COX10: variants seen among roughly 807,000 people sequenced by gnomAD.
The protein encoded by COX10 is protoheme IX farnesyltransferase, mitochondrial.
COX10 carries 27 observed loss-of-function variants against 37.3 expected under a neutral mutation model. The observed-to-expected ratio is 0.72, with a 90% CI of 0.53 to 1.00. The LOEUF (loss-of-function observed/expected upper bound fraction) is 1.00. Ranked by LOEUF, COX10 falls within the 50% of genes least tolerant of loss-of-function variation. The pLI, the probability that COX10 is intolerant of heterozygous loss-of-function variation, is 0.00. For missense variants in COX10, 475 were observed against 563.2 expected, an observed-to-expected ratio of 0.84 and a Z score of 1.59; for synonymous variants, 222 against 229.1, an observed-to-expected ratio of 0.97 and a Z score of 0.28.
intron 6 of COX10, among the ~76,000 whole-genome samples, chr17:14,198,183 G>A (rs1002351968): frequency 1.3e-5 from 2 of 152,132 alleles, no homozygotes; most frequent in South Asian, 4.1e-4. Context: ...CTGGAGCCGC[G>A]GTGAAGGAGT....
chr17:14,167,634 C>G (rs1027241499), intron 5 of COX10, among the ~76,000 whole-genome samples: 2 of 152,132 alleles, frequency 1.3e-5, no homozygotes, highest in African/African-American at 4.8e-5. Flanking sequence ...AGGAAACTTA[C>G]AAGCATAGTA....
At chr17:14,151,526 A>AACACAC (rs58412592) in intron 4 of COX10, among the ~76,000 whole-genome samples, 7 of 144,748 alleles carry the variant, frequency 4.8e-5, no homozygotes, top group African/African-American at 1.5e-4. Context: ...TTCCTGAACT[A>AACACAC]ACACACACAC....
intron 4 of COX10, among the ~76,000 whole-genome samples, chr17:14,142,410 A>G (rs1904574617): frequency 6.6e-6 from 1 of 152,230 alleles, no homozygotes; most frequent in African/African-American, 2.4e-5. Context: ...TAATGACCAA[A>G]TGCCATTTAT....
Position 14,166,634 on chromosome 17 carries a change from G to A in COX10, c.695+6687G>A, listed in dbSNP as rs548940870. Among the ~76,000 whole-genome samples the A allele has an allele frequency of 7.3e-5, 3 of 41,114 alleles. No individual in the cohort carries two copies. In the East Asian group the frequency reaches 2.2e-3, roughly 30 times the overall value. 27.0% of individuals were successfully genotyped at this position (41,114 alleles called of 152,430 possible). Reference sequence around the variant, plus strand: ...GACCTTTTTTTTTTTTTTTTTTTTTGAGACAGTCTTCCTCTCACTCAGGCT... The same window carrying A: ...GACCTTTTTTTTTTTTTTTTTTTTTAAGACAGTCTTCCTCTCACTCAGGCT... On this transcript the variant is annotated intron_variant, in intron 5 of 6. Coordinates refer to ENST00000261643, the MANE Select transcript of COX10 (RefSeq NM_001303.4).
intron 4 of COX10, among the ~76,000 whole-genome samples, chr17:14,153,469 A>G (rs146523731): frequency 0.012 from 1,883 of 152,340 alleles, 12 homozygotes; most frequent in African/African-American, 0.021. Flanking sequence ...TTCTATCAAA[A>G]TAAGAAAAAA....
intron 4 of COX10, among the ~76,000 whole-genome samples, chr17:14,110,778 A>G (rs757104271): frequency 4.6e-5 from 7 of 152,000 alleles, no homozygotes; most frequent in Non-Finnish European, 1.0e-4. Flanking sequence ...GATGGCATTG[A>G]TGTAAAAACT....
chr17:14,164,358 C>G (rs866814590), intron 5 of COX10, among the ~76,000 whole-genome samples: 1 of 152,176 alleles, frequency 6.6e-6, no homozygotes, highest in Non-Finnish European at 1.5e-5. Context: ...GCCCATGTGA[C>G]TGTCATTAGT....
chr17:14,076,827 T>C lies in COX10; in HGVS notation c.270T>C (p.Gly90=). ...CTTTCCTTGAAAAAACATCTTCAGG[T>C]CAAGCCAAAGCAGAAATATATGAGA... ...ASPFLEKTSS[G]QAKAEIYEMR... The change falls in exon 3 of 7, where the codon GGT becomes GGC. Residue 90 remains glycine (G), a synonymous_variant. Coordinates refer to ENST00000261643, the MANE Select transcript of COX10 (RefSeq NM_001303.4). 1.9e-6 allele frequency: 3 copies of C among 1,614,058 alleles called. No homozygotes were observed. The highest frequency in any genetic ancestry group is 2.5e-6 in the Non-Finnish European group (3 of 1,180,002).
intron 3 of COX10, among the ~76,000 whole-genome samples, chr17:14,090,452 A>G (rs557328962): frequency 1.2e-4 from 19 of 152,334 alleles, no homozygotes; most frequent in African/African-American, 4.6e-4. Context: ...TTTAAAAAAT[A>G]TATTAAATAA....
At chr17:14,174,352 G>T (rs1470573400) in intron 5 of COX10, among the ~76,000 whole-genome samples, 1 of 151,408 alleles carries the variant, frequency 6.6e-6, no homozygotes, top group Non-Finnish European at 1.5e-5. Context: ...CCAACTACTT[G>T]GGAGGCTGAG....
At chr17:14,135,664 A>G (rs1597514976) in intron 4 of COX10, among the ~76,000 whole-genome samples, 1 of 151,986 alleles carries the variant, frequency 6.6e-6, no homozygotes, top group Admixed American at 6.6e-5. Context: ...TGTATAAAGA[A>G]CATCGTTTTG....
intron 4 of COX10, among the ~76,000 whole-genome samples, chr17:14,130,170 T>C (rs890584343): frequency 6.6e-6 from 1 of 152,182 alleles, no homozygotes; most frequent in Non-Finnish European, 1.5e-5. Flanking sequence ...TTAGAGGTGA[T>C]TGTATTCTGC....
At chr17:14,178,746 A>T (rs1905763715) in intron 5 of COX10, among the ~76,000 whole-genome samples, 1 of 152,176 alleles carries the variant, frequency 6.6e-6, no homozygotes, top group African/African-American at 2.4e-5. Flanking sequence ...GACTCATATC[A>T]AAATGGCAAC....
At chr17:14,105,892 C>T (rs1915881426) in intron 4 of COX10, among the ~76,000 whole-genome samples, 1 of 151,966 alleles carries the variant, frequency 6.6e-6, no homozygotes, top group South Asian at 2.1e-4. Flanking sequence ...ATATATAAAA[C>T]ATATTTAACA....
chr17:14,127,946 TGTGTGTG>T (rs1916382404), intron 4 of COX10, among the ~76,000 whole-genome samples: 1 of 151,642 alleles, frequency 6.6e-6, no homozygotes, highest in African/African-American at 2.4e-5. Flanking sequence ...TGTGTGTGTG[TGTGTGTG>T]TGTGTGTGTG....
intron 5 of COX10, among the ~76,000 whole-genome samples, chr17:14,175,406 C>T (rs1905650643): frequency 6.6e-6 from 1 of 151,746 alleles, no homozygotes; most frequent in Non-Finnish European, 1.5e-5. Flanking sequence ...CAAGCCTGAC[C>T]ATATTACTAA....
chr17:14,160,682 G>T (rs1352560596), intron 5 of COX10, among the ~76,000 whole-genome samples: 2 of 152,088 alleles, frequency 1.3e-5, no homozygotes, highest in Non-Finnish European at 2.9e-5. Context: ...AATAATAAAG[G>T]AAGCAAGTGT....
intron 4 of COX10, among the ~76,000 whole-genome samples, chr17:14,121,982 T>A (rs1916240032): frequency 6.6e-6 from 1 of 152,004 alleles, no homozygotes; most frequent in South Asian, 2.1e-4. Flanking sequence ...AAAAAGGAAG[T>A]AGTTGGCCAT....
chr17:14,172,685 C>G (rs900619172), intron 5 of COX10, among the ~76,000 whole-genome samples: 3 of 150,984 alleles, frequency 2.0e-5, no homozygotes, highest in Non-Finnish European at 4.4e-5. Flanking sequence ...ACTCGTGATC[C>G]TCCCCGCTCA....
Sources: allele counts gnomAD v4.1 joint callset (sites outside exome capture counted in the v4.1 genomes callset), GRCh38; gene constraint gnomAD v4.1.1; transcripts MANE v1.5; gene names NCBI Gene and HGNC (gene_info 2026-07-23, HGNC 2026-07-21).